Variants in SUMF1 observed in about 807,000 individuals in gnomAD.
SUMF1 encodes sulfatase modifying factor 1.
In SUMF1, 48 loss-of-function variants were observed where a neutral mutation model predicts 47.6. That is an observed-to-expected ratio of 1.01 (90% CI 0.80 to 1.28). The LOEUF is 1.28. SUMF1 is among the 50% of genes most tolerant of loss of function. The pLI is 0.00. For synonymous variants in SUMF1, 230 were observed against 192.1 expected, an observed-to-expected ratio of 1.20 and a Z score of -1.63; for missense variants, 571 against 485.4, an observed-to-expected ratio of 1.18 and a Z score of -1.66.
At chr3:4,380,926 G>A (rs1700483730) in intron 7 of SUMF1, among the ~76,000 whole-genome samples, 1 of 152,194 alleles carries the variant, frequency 6.6e-6, no homozygotes, top group Non-Finnish European at 1.5e-5. Context: ...AGGATGAGTT[G>A]AATCCACTGG....
At chr3:4,048,400 A>G (rs58834125) in intron 9 of SUMF1, among the ~76,000 whole-genome samples, 21,706 of 152,186 alleles carry the variant, frequency 0.14, 1,986 homozygotes, top group African/African-American at 0.25. Context: ...TGTTTTGAAA[A>G]GTAAAATGCC....
chr3:4,411,080 T>C, intron 6 of SUMF1, 102 bp from the exon 7 acceptor site: 2 of 982,916 alleles, frequency 2.0e-6, no homozygotes, highest in Admixed American at 3.7e-5. Context: ...AGAGTATGAA[T>C]GTTGGGTTTT....
chr3:4,076,864 T>C (rs1246459627), intron 8 of SUMF1, among the ~76,000 whole-genome samples: 2 of 151,656 alleles, frequency 1.3e-5, no homozygotes, highest in Non-Finnish European at 2.9e-5. Context: ...ATTAGACAGG[T>C]GTGGTGGCGG....
At position 4,050,778 on chromosome 3, in the gene SUMF1, G is replaced by GAAAAGA. The variant is rs1167060855; in HGVS notation, c.1191+17785_1191+17790dup. Among the ~76,000 whole-genome samples the GAAAAGA allele has an allele frequency of 1.0e-4, 15 of 145,012 alleles. No individual in the cohort carries two copies. In the South Asian group the frequency reaches 2.4e-3, roughly 23 times the overall value. ...AAAAAAAAAAAAAAGAAAGAAAAAA[G>GAAAAGA]AAAAGAAAAAGAAAAAGAAAAAGAA... On this transcript the variant is annotated intron_variant and NMD_transcript_variant, in intron 9 of 12. Coordinates refer to the SUMF1 transcript ENST00000448413.
chr3:4,404,701 T>A (rs966705493), intron 7 of SUMF1, among the ~76,000 whole-genome samples: 3 of 151,658 alleles, frequency 2.0e-5, no homozygotes, highest in Non-Finnish European at 4.4e-5. Context: ...GAGGTGGAGG[T>A]TGCAGTGAGC....
At chr3:4,082,820 A>T (rs1226817696) in intron 8 of SUMF1, among the ~76,000 whole-genome samples, 1 of 152,108 alleles carries the variant, frequency 6.6e-6, no homozygotes, top group Non-Finnish European at 1.5e-5. Flanking sequence ...AAAATGAAAG[A>T]TGGAAAAGGA....
intron 8 of SUMF1, among the ~76,000 whole-genome samples, chr3:4,212,120 G>C (rs530099306): frequency 3.9e-5 from 6 of 152,304 alleles, no homozygotes; most frequent in Admixed American, 3.3e-4. Flanking sequence ...CCTGACCGCC[G>C]TGTATCCTGA....
intron 8 of SUMF1, among the ~76,000 whole-genome samples, chr3:4,242,077 G>A (rs2124997890): frequency 6.6e-6 from 1 of 152,216 alleles, no homozygotes; most frequent in East Asian, 1.9e-4. Flanking sequence ...CCCTCTGTTT[G>A]CCTGTTCTTG....
At chr3:4,243,755 G>C (rs757674719) in intron 8 of SUMF1, among the ~76,000 whole-genome samples, 5 of 152,196 alleles carry the variant, frequency 3.3e-5, no homozygotes, top group Non-Finnish European at 5.9e-5. Context: ...TTGGGTTGAA[G>C]AGTTCTGAAG....
chr3:4,329,815 T>C (rs936200859), intron 8 of SUMF1, among the ~76,000 whole-genome samples: 16 of 152,212 alleles, frequency 1.1e-4, no homozygotes, highest in African/African-American at 3.9e-4. Context: ...TCCAAACTTT[T>C]ATACTCTGCT....
chr3:4,376,664 C>T (rs910307810), intron 7 of SUMF1, among the ~76,000 whole-genome samples: 7 of 152,232 alleles, frequency 4.6e-5, no homozygotes, highest in African/African-American at 1.7e-4. Flanking sequence ...GTCCCTACAG[C>T]ATTTCTTGCC....
chr3:4,405,303 G>C (rs1701340617), intron 7 of SUMF1, among the ~76,000 whole-genome samples: 1 of 152,188 alleles, frequency 6.6e-6, no homozygotes. Flanking sequence ...GGATAGGCAA[G>C]AGCTCAGAGG....
At chr3:4,050,803 A>G (rs1035844366) in intron 9 of SUMF1, among the ~76,000 whole-genome samples, 2 of 149,862 alleles carry the variant, frequency 1.3e-5, no homozygotes, top group African/African-American at 4.8e-5. Flanking sequence ...AAGAAAAAGA[A>G]AAATGTAATG....
intron 8 of SUMF1, among the ~76,000 whole-genome samples, chr3:4,254,251 A>C (rs1416453273): frequency 1.3e-5 from 2 of 152,050 alleles, no homozygotes; most frequent in Non-Finnish European, 2.9e-5. Flanking sequence ...CAACGGAACA[A>C]AGCTGGATGG....
chr3:4,453,263 A>G (rs1470091843), intron 1 of SUMF1, among the ~76,000 whole-genome samples: 1 of 152,248 alleles, frequency 6.6e-6, no homozygotes, highest in Non-Finnish European at 1.5e-5. Context: ...AATCTCCTTA[A>G]TCAAACCACT....
chr3:4,298,911 CTTTTT>C (rs1697911071), intron 8 of SUMF1, among the ~76,000 whole-genome samples: 2 of 152,198 alleles, frequency 1.3e-5, no homozygotes, highest in Non-Finnish European at 2.9e-5. Context: ...CCACATCTTT[CTTTTT>C]ATTACTTTGC....
intron 8 of SUMF1, among the ~76,000 whole-genome samples, chr3:4,103,714 C>T (rs892316515): frequency 7.2e-5 from 11 of 152,038 alleles, no homozygotes; most frequent in African/African-American, 2.7e-4. Flanking sequence ...GTGCTAGGAA[C>T]AGAACATAAA....
intron 8 of SUMF1, among the ~76,000 whole-genome samples, chr3:4,139,326 G>C (rs1694017878): frequency 6.6e-6 from 1 of 151,850 alleles, no homozygotes; most frequent in Non-Finnish European, 1.5e-5. Context: ...TCATGTTAGA[G>C]CTAGACTCAT....
At chr3:4,228,363 G>A (rs1007521194) in intron 8 of SUMF1, among the ~76,000 whole-genome samples, 6 of 151,640 alleles carry the variant, frequency 4.0e-5, no homozygotes, top group Admixed American at 2.6e-4. Flanking sequence ...GCTAACTCTG[G>A]GCCCCAATTC....
Sources: allele counts gnomAD v4.1 joint callset (sites outside exome capture counted in the v4.1 genomes callset), GRCh38; gene constraint gnomAD v4.1.1; transcripts MANE v1.5; gene names NCBI Gene and HGNC (gene_info 2026-07-23, HGNC 2026-07-21).